Variants in GPR39 observed in about 807,000 individuals in gnomAD.
The protein encoded by GPR39 is zinc sensing receptor.
A neutral mutation model predicts 18.4 loss-of-function variants in GPR39; 23 were observed. The observed-to-expected ratio is 1.25, with a 90% CI of 0.90 to 1.77. GPR39 has a LOEUF of 1.77. Among genes scored for constraint, GPR39 ranks in the 40% most tolerant of loss-of-function variants. The probability of loss-of-function intolerance (pLI) is 0.00; values close to 1 mark genes in which losing one functional copy is unlikely to be tolerated. For missense variants in GPR39, 647 were observed against 602.4 expected, an observed-to-expected ratio of 1.07 and a Z score of -0.78; for synonymous variants, 280 against 257.9, an observed-to-expected ratio of 1.09 and a Z score of -0.82.
intron 1 of GPR39, among the ~76,000 whole-genome samples, chr2:132,622,916 A>T (rs1167523904): frequency 1.3e-5 from 2 of 152,154 alleles, no homozygotes; most frequent in African/African-American, 4.8e-5. Context: ...GTTCAAGAGC[A>T]GCCTAACCAA....
At chr2:132,531,888 G>C in intron 1 of GPR39, among the ~76,000 whole-genome samples, 1 of 152,168 alleles carries the variant, frequency 6.6e-6, no homozygotes, top group Non-Finnish European at 1.5e-5. Flanking sequence ...ATGCCCACAA[G>C]AGAAAGCAGG....
chr2:132,480,194 G>A (rs775444193), intron 1 of GPR39, among the ~76,000 whole-genome samples: 2 of 152,090 alleles, frequency 1.3e-5, no homozygotes, highest in Non-Finnish European at 2.9e-5. Context: ...ACTTATATGA[G>A]GTATCTAAAG....
intron 1 of GPR39, among the ~76,000 whole-genome samples, chr2:132,546,718 G>A (rs1018449654): frequency 3.3e-5 from 5 of 151,612 alleles, no homozygotes; most frequent in Non-Finnish European, 5.9e-5. Flanking sequence ...AGCTCTCAGT[G>A]GACGTTGGCA....
In GPR39 at chr2:132,646,105, C is replaced by T; in HGVS notation, c.*499C>T. ...ACAGGATGGTGGTGCGGAGCCCTGGCCTGAGGGCCGAGGCAGAACTTCCCC... is the reference window on the plus strand; with the variant it reads ...ACAGGATGGTGGTGCGGAGCCCTGGTCTGAGGGCCGAGGCAGAACTTCCCC... On this transcript the variant is annotated 3_prime_UTR_variant, in exon 2 of 2. Transcript: ENST00000329321. The T allele has an allele frequency of 1.2e-6, 2 of 1,607,994 alleles. No homozygotes were observed. Among genetic ancestry groups the T allele is most frequent in the South Asian group, 1.1e-5 (1 of 90,050 alleles).
intron 1 of GPR39, among the ~76,000 whole-genome samples, chr2:132,517,119 A>G (rs1490263790): frequency 6.6e-6 from 1 of 152,120 alleles, no homozygotes; most frequent in East Asian, 1.9e-4. Flanking sequence ...TACTAAATGT[A>G]AAAAGCAAAG....
At chr2:132,432,990 TTA>T (rs1680250015) in intron 1 of GPR39, among the ~76,000 whole-genome samples, 1 of 152,232 alleles carries the variant, frequency 6.6e-6, no homozygotes, top group Non-Finnish European at 1.5e-5. Context: ...TTGGGTCTTC[TTA>T]TACATGATTT....
chr2:132,469,933 C>A (rs546755757), intron 1 of GPR39, among the ~76,000 whole-genome samples: 5 of 152,290 alleles, frequency 3.3e-5, no homozygotes, highest in African/African-American at 7.2e-5. Flanking sequence ...CAAAGTTGCC[C>A]ACTCTCAGAG....
chr2:132,619,913 G>A (rs2104858600), intron 1 of GPR39, among the ~76,000 whole-genome samples: 1 of 151,686 alleles, frequency 6.6e-6, no homozygotes. Context: ...ATCACTTCAG[G>A]ATTGCCTCCC....
chr2:132,623,428 A>C (rs1001817419), intron 1 of GPR39, among the ~76,000 whole-genome samples: 1 of 152,232 alleles, frequency 6.6e-6, no homozygotes, highest in African/African-American at 2.4e-5. Flanking sequence ...AAAGAAGAGT[A>C]AGAAAAGAAT....
rs144131835 is a variant in GPR39 at position 132,629,997 on chromosome 2, G to A, written c.857-15104G>A. On this transcript the variant is annotated intron_variant, in intron 1 of 1. Coordinates refer to ENST00000329321, the MANE Select transcript of GPR39 (RefSeq NM_001508.3). ...CTTATTGTTTTCATCTGTAAAAATA[G>A]GGATAACAGCTCTGTCACTGCATGG... 2.0e-3 allele frequency among the ~76,000 whole-genome samples: 298 copies of A among 152,274 alleles called. 2 individuals carry two copies. Among genetic ancestry groups the A allele is most frequent in the African/African-American group, 6.6e-3 (273 of 41,556 alleles).
At chr2:132,422,291 G>A (rs536781028) in intron 1 of GPR39, among the ~76,000 whole-genome samples, 9 of 152,226 alleles carry the variant, frequency 5.9e-5, no homozygotes, top group South Asian at 2.1e-4. Context: ...TGTCAGTGGC[G>A]TGGCATTTGA....
intron 1 of GPR39, among the ~76,000 whole-genome samples, chr2:132,519,327 T>C (rs114497261): frequency 0.014 from 2,205 of 152,298 alleles, 29 homozygotes; most frequent in African/African-American, 0.046. Context: ...TGCATATTTT[T>C]CTGAAGCCTG....
intron 1 of GPR39, among the ~76,000 whole-genome samples, chr2:132,504,174 T>C (rs887987450): frequency 2.6e-5 from 4 of 152,196 alleles, no homozygotes; most frequent in Non-Finnish European, 4.4e-5. Context: ...ATTGTGAGTC[T>C]CCACATGCTA....
intron 1 of GPR39, among the ~76,000 whole-genome samples, chr2:132,505,472 C>T (rs1679118489): frequency 6.6e-6 from 1 of 152,176 alleles, no homozygotes; most frequent in Non-Finnish European, 1.5e-5. Context: ...CCCTACTCTA[C>T]TTTCCACCGT....
intron 1 of GPR39, among the ~76,000 whole-genome samples, chr2:132,457,709 G>T (rs1262253643): frequency 6.6e-6 from 1 of 152,260 alleles, no homozygotes; most frequent in East Asian, 1.9e-4. Context: ...GTTGTCTGCT[G>T]CCTTTTCTTC....
chr2:132,548,630 C>G (rs1679988107), intron 1 of GPR39, among the ~76,000 whole-genome samples: 1 of 152,218 alleles, frequency 6.6e-6, no homozygotes, highest in African/African-American at 2.4e-5. Flanking sequence ...GTGGCAGCTC[C>G]TCAATTTACC....
chr2:132,488,864 C>G (rs1250561562), intron 1 of GPR39: 1 of 166,054 alleles, frequency 6.0e-6, no homozygotes, highest in African/African-American at 2.4e-5. Context: ...ACTTCTTCTC[C>G]CTGCAAGGGA....
At chr2:132,501,195 C>T (rs1679031081) in intron 1 of GPR39, among the ~76,000 whole-genome samples, 1 of 151,224 alleles carries the variant, frequency 6.6e-6, no homozygotes. Flanking sequence ...TCTATTTGTG[C>T]TCTTTCAGAC....
At chr2:132,492,420 C>T (rs1019754208) in intron 1 of GPR39, among the ~76,000 whole-genome samples, 1 of 130,144 alleles carries the variant, frequency 7.7e-6, no homozygotes, top group African/African-American at 2.9e-5. Flanking sequence ...CATATATATA[C>T]CATATATACA....
Sources: gnomAD v4.1 joint callset for allele counts (sites outside exome capture counted in the v4.1 genomes callset) on GRCh38, gnomAD v4.1.1 for gene constraint, MANE v1.5 for transcripts, NCBI Gene and HGNC (gene_info 2026-07-23, HGNC 2026-07-21) for gene names.